Variants in PRX observed in about 807,000 individuals in gnomAD.
The protein encoded by PRX is periaxin.
In PRX, 24 loss-of-function variants were observed where a neutral mutation model predicts 29.6. The observed-to-expected ratio is 0.81, with a 90% CI of 0.59 to 1.14. PRX has a LOEUF of 1.14. Ranked by LOEUF, PRX falls within the 50% of genes most tolerant of loss-of-function variation. The pLI is 0.00. For synonymous variants in PRX, 772 were observed against 831.7 expected (o/e 0.93, Z 1.24); for missense variants, 1,838 against 1,926.4 (o/e 0.95, Z 0.86).
Position 40,397,868 on chromosome 19 carries a change from T to TGGGAAAGGAGAACTC in PRX, c.469_483dup (p.Glu157_Pro161dup). On this transcript the variant is annotated inframe_insertion, in exon 7 of 7. Transcript: ENST00000324001. The stretch of plus-strand genomic sequence containing the variant: ...AGGCCCCGACGCAGGCGGGAGAACT[T>TGGGAAAGGAGAACTC]GGGAAAGGAGAACTCGACGTCAACA... 4 of 1,609,284 alleles carry TGGGAAAGGAGAACTC rather than the reference T, an allele frequency of 2.5e-6. No individual in the cohort carries two copies. Among genetic ancestry groups the TGGGAAAGGAGAACTC allele is most frequent in the Non-Finnish European group, 3.4e-6 (4 of 1,178,154 alleles).
upstream of PRX, among the ~76,000 whole-genome samples, chr19:40,414,752 A>G (rs1330105921): frequency 6.6e-6 from 1 of 151,832 alleles, no homozygotes. Flanking sequence ...TGCCACTTGA[A>G]CCCACCCGGC....
At position 40,394,150 on chromosome 19, in the gene PRX, G is replaced by C. The variant is rs775431247; in HGVS notation, c.4202C>G (p.Ser1401Cys). 1 of 1,594,250 alleles carries C rather than the reference G, an allele frequency of 6.3e-7. No homozygotes were observed. The highest frequency in any genetic ancestry group is 2.2e-5 in the East Asian group (1 of 44,504). The change falls in exon 7 of 7, where the codon TCC becomes TGC. Residue 1401 changes from serine to cysteine, a missense_variant. Physicochemically the swap from Ser to Cys is moderately radical, Grantham distance 112. This residue lies in a region of PRX where 1,143 missense variants were observed against 1,193.0 expected (regional missense o/e 0.96). Transcript: ENST00000324001. The surrounding 1 kb of genome is among the most constrained non-coding windows in gnomAD (Gnocchi z 5.8). Reference protein sequence around the residue: ...RGQEGDAAPKSPVREKSPKFR... With the variant: ...RGQEGDAAPKCPVREKSPKFR... Reference sequence around the variant, plus strand: ...CTTGGGTGACTTCTCTCTGACGGGGGACTTGGGGGCTGCATCGCCCTCCTG... The same window carrying C: ...CTTGGGTGACTTCTCTCTGACGGGGCACTTGGGGGCTGCATCGCCCTCCTG...
Position 40,396,488 on chromosome 19 carries a change from G to A in PRX, c.1864C>T (p.Gln622Ter), listed in dbSNP as rs1210729449. 2 of 1,612,942 alleles carry A rather than the reference G, an allele frequency of 1.2e-6. No homozygotes were observed. The highest frequency in any genetic ancestry group is 1.7e-6 in the Non-Finnish European group (2 of 1,179,784). ...TTCATCTCTGGGACTTTTGGAAGCT[G>A]CACTTCTGGGAGGTGCACATCGGGC... is the stretch of plus-strand genomic sequence containing the variant. ...AVPDVHLPEV[Q>*]LPKVPEMKLP... Residue 622 changes from glutamine (Q) to a stop codon, truncating the protein, a stop_gained, in exon 7 of 7, where the codon CAG becomes TAG. Transcript: ENST00000324001. LOFTEE classifies it low-confidence loss of function (END_TRUNC).
chr19:40,402,413 C>T (rs2079501568), intron 5 of PRX, among the ~76,000 whole-genome samples: 1 of 151,870 alleles, frequency 6.6e-6, no homozygotes, highest in South Asian at 2.1e-4. Flanking sequence ...AGCACATTGT[C>T]CTCCTGGCAA....
At position 40,394,304 on chromosome 19, in the gene PRX, G is replaced by C. The variant is rs771104050; in HGVS notation, c.4048C>G (p.Pro1350Ala). The change falls in exon 7 of 7, where the codon CCC becomes GCC. Residue 1350 changes from proline to alanine, a missense_variant. Pro to Ala is a conservative substitution (Grantham distance 27). Around this residue, in one of 3 missense-constraint regions of PRX, gnomAD observed 1,143 missense variants for 1,193.0 expected, o/e 0.96. Coordinates refer to ENST00000324001, the MANE Select transcript of PRX (RefSeq NM_181882.3). The surrounding 1 kb of genome is among the most constrained non-coding windows in gnomAD (Gnocchi z 5.8). ...TCCTCCTCCTCCTCCTCGGGGCTGG[G>C]GGACCCTTCCCCAGTGACCATCTCA... ...QSEMVTGEGSPSPEEEEEEEE... is the reference protein window; with the variant it reads ...QSEMVTGEGSASPEEEEEEEE... 6.2e-7 allele frequency: 1 copy of C among 1,611,056 alleles called. No individual in the cohort carries two copies. The highest frequency in any genetic ancestry group is 8.5e-7 in the Non-Finnish European group (1 of 1,178,572).
chr19:40,402,742 T>C (rs1019042736), intron 5 of PRX, among the ~76,000 whole-genome samples: 2 of 137,046 alleles, frequency 1.5e-5, no homozygotes, highest in African/African-American at 6.0e-5. Context: ...GCCACTGCAC[T>C]CCAGCCTGGG....
At chr19:40,405,286 G>T (rs1231080607) in intron 4 of PRX, among the ~76,000 whole-genome samples, 2 of 152,150 alleles carry the variant, frequency 1.3e-5, no homozygotes, top group Non-Finnish European at 2.9e-5. Context: ...AATCCAATCT[G>T]CTGTGTGTCT....
intron 3 of PRX, 43 bp downstream of exon 3, chr19:40,408,115 T>A: frequency 1.3e-6 from 1 of 774,148 alleles, no homozygotes. Flanking sequence ...GCAGGGTGGG[T>A]ATTAGAAGGG....
rs551628239 is a variant in PRX, at chr19:40,397,710, G to T, written c.642C>A (p.Pro214=). The T allele has an allele frequency of 6.3e-5, 99 of 1,561,310 alleles. No homozygotes were observed. Among genetic ancestry groups the T allele is most frequent in the Non-Finnish European group, 7.6e-5 (88 of 1,157,642 alleles). The change falls in exon 7 of 7, where the codon CCC becomes CCA. Residue 214 remains proline, a synonymous_variant. Transcript: ENST00000324001. ...AARLAAAAPP[P]RKAKVEAEVA... ...CCTCAGCCTCCACCTTGGCTTTCCTGGGGGGAGGAGCGGCGGCGGCCAGCC... is the reference window on the plus strand; with the variant it reads ...CCTCAGCCTCCACCTTGGCTTTCCTTGGGGGAGGAGCGGCGGCGGCCAGCC...
At chr19:40,404,481 CA>C (rs1226734492) in intron 4 of PRX, among the ~76,000 whole-genome samples, 19 of 151,868 alleles carry the variant, frequency 1.3e-4, no homozygotes, top group African/African-American at 4.6e-4. Flanking sequence ...GAGGAAGAGC[CA>C]AATGGGGTAT....
In PRX at chr19:40,395,908, G is replaced by A; in HGVS notation, c.2444C>T (p.Pro815Leu). 6.2e-7 allele frequency: 1 copy of A among 1,614,182 alleles called. No individual in the cohort carries two copies. ...TMPKLGRAES[P>L]SRGKPGEAGA... is the part of the protein sequence containing the mutation. Reference sequence around the variant, plus strand: ...CGCCTCGCCTGGCTTGCCACGTGATGGGGACTCTGCCCTCCCTAGCTTGGG... The same window carrying A: ...CGCCTCGCCTGGCTTGCCACGTGATAGGGACTCTGCCCTCCCTAGCTTGGG... The change falls in exon 7 of 7, where the codon CCA (proline) becomes CTA (leucine). Residue 815 changes from proline to leucine, a missense_variant. This residue lies in a region of PRX where 1,143 missense variants were observed against 1,193.0 expected (regional missense o/e 0.96). Transcript: ENST00000324001.
In PRX at chr19:40,394,625, G is replaced by A; in HGVS notation, c.3727C>T (p.Leu1243=). 6.2e-7 allele frequency: 1 copy of A among 1,607,162 alleles called. No homozygotes were observed. Among genetic ancestry groups the A allele is most frequent in the Non-Finnish European group, 8.5e-7 (1 of 1,179,496 alleles). Residue 1243 remains leucine (L), a synonymous_variant, in exon 7 of 7, where the codon CTG becomes TTG. Transcript: ENST00000324001. The surrounding 1 kb of genome is among the most constrained non-coding windows in gnomAD (Gnocchi z 5.8). Reference sequence around the variant, plus strand: ...CCCAGTGTGGGCAACTTCAGCCTCAGCCCACCCTCGCCTGTGGCCGCCTCG... The same window carrying A: ...CCCAGTGTGGGCAACTTCAGCCTCAACCCACCCTCGCCTGTGGCCGCCTCG... ...AGEAATGEGG[L]RLKLPTLGAR... is the part of the protein sequence containing the mutation.
At chr19:40,407,808 A>C in intron 4 of PRX, 98 bp downstream of exon 4, 1 of 1,522,420 alleles carries the variant, frequency 6.6e-7, no homozygotes, top group Non-Finnish European at 9.0e-7. Flanking sequence ...AGATGGAGAG[A>C]ATGAGGCACA....
At chr19:40,407,212 TTGTGTGTG>T (rs72256185) in intron 4 of PRX, among the ~76,000 whole-genome samples, 6,227 of 133,872 alleles carry the variant, frequency 0.047, 499 homozygotes, top group African/African-American at 0.17. Context: ...TTATATGCCC[TTGTGTGTG>T]TGTGTGTGTG....
At position 40,397,312 on chromosome 19, in the gene PRX, C is replaced by T. The variant is rs141288626; in HGVS notation, c.1040G>A (p.Arg347Gln). ...CAGGGCCACCTCAGGTGCCTCTCCCCGGGCCTCCACCTCTGCACCCGGCAA... is the reference window on the plus strand; with the variant it reads ...CAGGGCCACCTCAGGTGCCTCTCCCTGGGCCTCCACCTCTGCACCCGGCAA... ...LALPGAEVEA[R>Q]GEAPEVALKM... The change falls in exon 7 of 7, where the codon CGG becomes CAG. Residue 347 changes from arginine to glutamine, a missense_variant. Physicochemically the swap from Arg to Gln is conservative, Grantham distance 43. This residue lies in a region of PRX where 666 missense variants were observed against 665.0 expected (regional missense o/e 1.00). Coordinates refer to ENST00000324001, the MANE Select transcript of PRX (RefSeq NM_181882.3). The T allele has an allele frequency of 1.7e-5, 28 of 1,613,234 alleles. No homozygotes were observed. Among genetic ancestry groups the T allele is most frequent in the African/African-American group, 1.7e-4 (13 of 75,054 alleles).
intron 5 of PRX, among the ~76,000 whole-genome samples, chr19:40,402,780 A>AAAAAAAAAG: frequency 6.7e-6 from 1 of 149,496 alleles, no homozygotes; most frequent in African/African-American, 2.5e-5. Flanking sequence ...GTCTCAAAAA[A>AAAAAAAAAG]AAAAAAAAAT....
At chr19:40,399,903 C>CTTTCTT (rs1286484666) in intron 5 of PRX, among the ~76,000 whole-genome samples, 1 of 60,292 alleles carries the variant, frequency 1.7e-5, no homozygotes, top group Non-Finnish European at 3.0e-5. Flanking sequence ...TTCTTTCTTT[C>CTTTCTT]TTTTTCTTTC....
chr19:40,396,706 G>T lies in PRX; in HGVS notation c.1646C>A (p.Pro549Gln). Residue 549 changes from proline (P) to glutamine (Q), a missense_variant, in exon 7 of 7, where the codon CCG becomes CAG. Physicochemically the swap from Pro to Gln is moderately conservative, Grantham distance 76. This residue lies in a region of PRX where 1,143 missense variants were observed against 1,193.0 expected (regional missense o/e 0.96). Transcript: ENST00000324001. ...PEVRLPEVQLPKVSEMKLPEV... is the reference protein window; with the variant it reads ...PEVRLPEVQLQKVSEMKLPEV... ...TGGGAGTTTCATCTCTGACACTTTC[G>T]GCAGCTGTACCTCTGGAAGCCGCAC... 4 of 1,613,174 alleles carry T rather than the reference G, an allele frequency of 2.5e-6. No individual in the cohort carries two copies. The highest frequency in any genetic ancestry group is 3.4e-6 in the Non-Finnish European group (4 of 1,179,740).
Position 40,396,053 on chromosome 19 carries a change from G to A in PRX, c.2299C>T (p.His767Tyr). Reference protein sequence around the residue: ...EMQVPKVPDVHLPKAPEVKLP... With the variant: ...EMQVPKVPDVYLPKAPEVKLP... ...TTCACCTCTGGTGCCTTCGGAAGATGCACGTCGGGAACCTTCGGCACTTGC... is the reference window on the plus strand; with the variant it reads ...TTCACCTCTGGTGCCTTCGGAAGATACACGTCGGGAACCTTCGGCACTTGC... Residue 767 changes from histidine (H) to tyrosine (Y), a missense_variant, in exon 7 of 7, where the codon CAT becomes TAT. By Grantham distance (83) the His-to-Tyr change is moderately conservative. This residue lies in a region of PRX where 1,143 missense variants were observed against 1,193.0 expected (regional missense o/e 0.96). Coordinates refer to ENST00000324001, the MANE Select transcript of PRX (RefSeq NM_181882.3). 6.2e-7 allele frequency: 1 copy of A among 1,614,152 alleles called. No homozygotes were observed. The highest frequency in any genetic ancestry group is 8.5e-7 in the Non-Finnish European group (1 of 1,180,052).
Sources: gnomAD v4.1 joint callset for allele counts (sites outside exome capture counted in the v4.1 genomes callset) on GRCh38, gnomAD v4.1.1 for gene constraint, gnomAD v4.1.1 regional missense constraint, Gnocchi (gnomAD v3.1) non-coding constraint, MANE v1.5 for transcripts, NCBI Gene and HGNC (gene_info 2026-07-23, HGNC 2026-07-21) for gene names.